The following PTPRT variants were observed in gnomAD, a reference collection of about 807,000 sequenced individuals.
PTPRT encodes the protein protein tyrosine phosphatase receptor type T.
In PTPRT, 56 loss-of-function variants were observed where a neutral mutation model predicts 176.8. The observed-to-expected ratio is 0.32, with a 90% confidence interval of 0.26 to 0.40. The LOEUF (loss-of-function observed/expected upper bound fraction) is 0.40, where lower values mean the gene tolerates loss of function less well. Ranked by LOEUF, PTPRT falls within the 10% of genes least tolerant of loss-of-function variation. PTPRT has a pLI of 1.00. For synonymous variants in PTPRT, 783 were observed against 739.0 expected (o/e 1.06, Z -0.96); for missense variants, 1,540 against 1,908.2 (o/e 0.81, Z 3.60).
chr20:42,605,797 G>A (rs1009088389), intron 7 of PTPRT, among the ~76,000 whole-genome samples: 2 of 152,192 alleles, frequency 1.3e-5, no homozygotes, highest in South Asian at 2.1e-4. Context: ...TCAGTCCACC[G>A]ATTAGAGGGT....
chr20:42,522,652 G>A (rs2072196828), intron 7 of PTPRT, among the ~76,000 whole-genome samples: 1 of 152,038 alleles, frequency 6.6e-6, no homozygotes, highest in Non-Finnish European at 1.5e-5. Context: ...TGTAGAGATG[G>A]GGTTTCACCA....
intron 9 of PTPRT, among the ~76,000 whole-genome samples, chr20:42,353,391 A>C (rs962751483): frequency 5.8e-4 from 88 of 152,330 alleles, no homozygotes; most frequent in African/African-American, 2.1e-3. Context: ...TGCCAATGGA[A>C]GCAACTTGCA....
At chr20:42,557,572 C>T (rs1241491727) in intron 7 of PTPRT, among the ~76,000 whole-genome samples, 1 of 152,148 alleles carries the variant, frequency 6.6e-6, no homozygotes, top group Admixed American at 6.5e-5. Flanking sequence ...ACTATTAGCC[C>T]TTCTCACCAT....
intron 9 of PTPRT, among the ~76,000 whole-genome samples, chr20:42,400,250 A>G (rs891171888): frequency 2.6e-5 from 4 of 152,212 alleles, no homozygotes; most frequent in Non-Finnish European, 5.9e-5. Context: ...TTAAAAAATC[A>G]TATGGGACTT....
chr20:42,817,006 G>A (rs1030245477), intron 2 of PTPRT, among the ~76,000 whole-genome samples: 3 of 152,228 alleles, frequency 2.0e-5, no homozygotes, highest in African/African-American at 7.2e-5. Flanking sequence ...AGAAGACCCT[G>A]ATGGTTCCTA....
At position 42,401,234 on chromosome 20, in the gene PTPRT, C is replaced by T. The variant is rs571036866; in HGVS notation, c.1560+46986G>A. On this transcript the variant is annotated intron_variant, in intron 9 of 30. Coordinates refer to ENST00000373187, the MANE Select transcript of PTPRT (RefSeq NM_007050.6). Reference sequence around the variant, plus strand: ...TAACGCATTACAGGTTTAATGTCTCCGAAGCTTACTGATTTATCCCCCTTT... The same window carrying T: ...TAACGCATTACAGGTTTAATGTCTCTGAAGCTTACTGATTTATCCCCCTTT... Among the ~76,000 whole-genome samples the T allele has an allele frequency of 1.3e-3, 198 of 151,954 alleles. 1 individual carries two copies. The highest frequency in any genetic ancestry group is 2.2e-3 in the Non-Finnish European group (151 of 67,962).
chr20:43,016,043 CT>C (rs1985353048), intron 1 of PTPRT, among the ~76,000 whole-genome samples: 1 of 152,062 alleles, frequency 6.6e-6, no homozygotes, highest in African/African-American at 2.4e-5. Flanking sequence ...CATCCCCAAG[CT>C]GAAAGCATCC....
At chr20:42,371,277 C>T (rs752101719) in intron 9 of PTPRT, among the ~76,000 whole-genome samples, 3 of 152,218 alleles carry the variant, frequency 2.0e-5, no homozygotes, top group African/African-American at 7.2e-5. Context: ...CCTGTGCCAA[C>T]ATTTTCTTTG....
At chr20:42,315,682 G>A (rs1186594685) in intron 12 of PTPRT, 41 bp downstream of exon 12, 1 of 1,591,990 alleles carries the variant, frequency 6.3e-7, no homozygotes, top group Non-Finnish European at 8.6e-7. Flanking sequence ...ATGAAAAAAT[G>A]CAAACAAGGC....
intron 9 of PTPRT, among the ~76,000 whole-genome samples, chr20:42,386,773 T>C (rs748714087): frequency 2.4e-4 from 36 of 152,088 alleles, no homozygotes; most frequent in Non-Finnish European, 4.6e-4. Context: ...AGGCAAAGAA[T>C]TGCTTGAACC....
chr20:43,122,080 G>A (rs959110324), intron 1 of PTPRT, among the ~76,000 whole-genome samples: 7 of 152,172 alleles, frequency 4.6e-5, no homozygotes, highest in Non-Finnish European at 8.8e-5. Flanking sequence ...TAGAATCCCC[G>A]GGAGGATCCC....
chr20:42,982,882 T>G (rs1983362501), intron 1 of PTPRT, among the ~76,000 whole-genome samples: 1 of 152,238 alleles, frequency 6.6e-6, no homozygotes. Context: ...CTGCGTGAAC[T>G]TTCTGCCCAA....
At position 43,070,966 on chromosome 20, in the gene PTPRT, A is replaced by AT. The variant is rs776677647; in HGVS notation, c.88+118679dup. On this transcript the variant is annotated intron_variant, in intron 1 of 30. Coordinates refer to ENST00000373187, the MANE Select transcript of PTPRT (RefSeq NM_007050.6). Reference sequence around the variant, plus strand: ...CATGTACCCTAGAACTTAAAGTATAATTAAAAAAAAAAAAAAAAAAAGAAC... The same window carrying AT: ...CATGTACCCTAGAACTTAAAGTATAATTTAAAAAAAAAAAAAAAAAAAGAAC... 3.5e-3 allele frequency among the ~76,000 whole-genome samples: 435 copies of AT among 125,584 alleles called. 1 individual carries two copies. The highest frequency in any genetic ancestry group is 5.9e-3 in the Admixed American group (77 of 13,046). The allele number at this position is 125,584 out of a possible 152,430, so 82.4% of individuals were successfully genotyped here. A position where few individuals can be genotyped will look rare whatever the true frequency, so the allele number is the denominator to read the frequency against.
rs187165661 is a variant in PTPRT, at chr20:42,952,531, C to T, written c.89-66599G>A. 1.2e-4 allele frequency among the ~76,000 whole-genome samples: 18 copies of T among 152,324 alleles called. 1 individual carries two copies. In the East Asian group the frequency reaches 3.3e-3, roughly 28 times the overall value. Reference sequence around the variant, plus strand: ...CCCTAGGCAATCTGCACAACTTCTGCGTGCCTCAGTTTCCTTATCTGTCAA... The same window carrying T: ...CCCTAGGCAATCTGCACAACTTCTGTGTGCCTCAGTTTCCTTATCTGTCAA... On this transcript the variant is annotated intron_variant, in intron 1 of 30. Coordinates refer to ENST00000373187, the MANE Select transcript of PTPRT (RefSeq NM_007050.6).
intron 9 of PTPRT, among the ~76,000 whole-genome samples, chr20:42,355,607 TG>T (rs1004365227): frequency 1.3e-5 from 2 of 152,066 alleles, no homozygotes; most frequent in African/African-American, 4.8e-5. Flanking sequence ...AGTGAGCAAA[TG>T]GGGGCAAATG....
chr20:43,095,514 G>C (rs1373494042), intron 1 of PTPRT, among the ~76,000 whole-genome samples: 11 of 152,006 alleles, frequency 7.2e-5, no homozygotes. Flanking sequence ...ATGTCTGCAT[G>C]GCTCCCCACC....
chr20:42,843,019 A>C (rs912210566), intron 2 of PTPRT, among the ~76,000 whole-genome samples: 2 of 152,064 alleles, frequency 1.3e-5, no homozygotes, highest in South Asian at 4.2e-4. Flanking sequence ...AGACCACAGA[A>C]CCCATCTAGT....
chr20:42,651,568 G>A (rs1025840872), intron 7 of PTPRT, among the ~76,000 whole-genome samples: 5 of 152,212 alleles, frequency 3.3e-5, no homozygotes, highest in Non-Finnish European at 7.3e-5. Flanking sequence ...CAAGCCCAGT[G>A]AGGTTTCTGT....
At chr20:42,761,797 T>C (rs2076919418) in intron 5 of PTPRT, among the ~76,000 whole-genome samples, 1 of 152,168 alleles carries the variant, frequency 6.6e-6, no homozygotes, top group Non-Finnish European at 1.5e-5. Context: ...TGAACCTTAC[T>C]AGGAGGAACA....
Sources: gnomAD v4.1 joint callset for allele counts (sites outside exome capture counted in the v4.1 genomes callset) on GRCh38, gnomAD v4.1.1 for gene constraint, MANE v1.5 for transcripts, NCBI Gene and HGNC (gene_info 2026-07-23, HGNC 2026-07-21) for gene names.